DLGAP2: variants seen among roughly 807,000 people sequenced by gnomAD.
DLGAP2 encodes DLG associated protein 2.
DLGAP2 carries 26 observed loss-of-function variants against 100.3 expected under a neutral mutation model. The observed-to-expected ratio is 0.26, with a 90% CI of 0.19 to 0.36. The LOEUF is 0.36. Ranked by LOEUF, DLGAP2 falls within the 10% of genes least tolerant of loss-of-function variation. DLGAP2 has a pLI of 1.00. For synonymous variants in DLGAP2, 886 were observed against 630.1 expected (o/e 1.41, Z -6.08); for missense variants, 1,858 against 1,453.2 (o/e 1.28, Z -4.53).
chr8:1,637,641 A>G (rs894160642), intron 8 of DLGAP2, among the ~76,000 whole-genome samples: 6 of 152,226 alleles, frequency 3.9e-5, no homozygotes, highest in Admixed American at 3.9e-4. Flanking sequence ...TGCCAATTGA[A>G]GATTCTAAAG....
chr8:1,009,118 G>T (rs1247756362), intron 2 of DLGAP2, among the ~76,000 whole-genome samples: 1 of 152,186 alleles, frequency 6.6e-6, no homozygotes, highest in Non-Finnish European at 1.5e-5. Context: ...CCTCTTCCAT[G>T]TGGCCGAGGG....
intron 1 of DLGAP2, among the ~76,000 whole-genome samples, chr8:760,516 G>A (rs1284137889): frequency 2.6e-5 from 4 of 152,158 alleles, no homozygotes; most frequent in Admixed American, 2.6e-4. Context: ...GTTTGGTTGG[G>A]TATAGAATTC....
At chr8:1,104,150 G>C (rs572073044) in intron 2 of DLGAP2, among the ~76,000 whole-genome samples, 107 of 152,336 alleles carry the variant, frequency 7.0e-4, no homozygotes, top group Non-Finnish European at 1.2e-4. Flanking sequence ...GTTAGGGTGA[G>C]GGGTTGCTGG....
At chr8:1,392,428 A>T (rs932225101) in intron 3 of DLGAP2, among the ~76,000 whole-genome samples, 1 of 152,152 alleles carries the variant, frequency 6.6e-6, no homozygotes, top group Non-Finnish European at 1.5e-5. Flanking sequence ...CGTCGGCCTG[A>T]CTTGCTAATG....
At chr8:1,441,096 C>G (rs1797817130) in intron 3 of DLGAP2, among the ~76,000 whole-genome samples, 1 of 151,978 alleles carries the variant, frequency 6.6e-6, no homozygotes, top group African/African-American at 2.4e-5. Context: ...GAAACATAAT[C>G]CCAGAATAAA....
At chr8:1,022,033 G>A (rs1801638126) in intron 2 of DLGAP2, among the ~76,000 whole-genome samples, 1 of 152,196 alleles carries the variant, frequency 6.6e-6, no homozygotes, top group Admixed American at 6.5e-5. Context: ...TTGCAAAGGG[G>A]TGAGTTGTAC....
chr8:1,605,546 G>T (rs993552647), intron 6 of DLGAP2, among the ~76,000 whole-genome samples: 17 of 152,144 alleles, frequency 1.1e-4, no homozygotes, highest in African/African-American at 3.9e-4. Context: ...CTACATTCTT[G>T]TGGGCCTAAG....
intron 3 of DLGAP2, among the ~76,000 whole-genome samples, chr8:1,260,215 C>G (rs1799318207): frequency 1.3e-5 from 2 of 152,032 alleles, no homozygotes; most frequent in Non-Finnish European, 2.9e-5. Flanking sequence ...TGTTTGAAAG[C>G]TTTATTATTT....
chr8:1,431,848 C>T lies in DLGAP2; in HGVS notation c.107-69518C>T, dbSNP rs556979037. Among the ~76,000 whole-genome samples the T allele has an allele frequency of 6.6e-5, 10 of 152,288 alleles. No individual in the cohort carries two copies. The East Asian group carries it at 9.7e-4, about 15-fold the overall frequency. On this transcript the variant is annotated intron_variant, in intron 3 of 14. Coordinates refer to ENST00000637795, the MANE Select transcript of DLGAP2 (RefSeq NM_001346810.2). ...GCCTCCGTGTCGATGGCCACCAAGC[C>T]CTGAGAACCCTGCCGGCACCCAGCA...
chr8:1,133,391 A>T (rs1444916873), intron 2 of DLGAP2, among the ~76,000 whole-genome samples: 1 of 152,224 alleles, frequency 6.6e-6, no homozygotes, highest in African/African-American at 2.4e-5. Flanking sequence ...TCATAAAATT[A>T]TATTGATCAT....
At chr8:1,503,124 G>C (rs990992205) in intron 4 of DLGAP2, among the ~76,000 whole-genome samples, 1 of 152,216 alleles carries the variant, frequency 6.6e-6, no homozygotes, top group African/African-American at 2.4e-5. Context: ...CTTGGTGAAG[G>C]CTGGATTGTA....
intron 2 of DLGAP2, among the ~76,000 whole-genome samples, chr8:961,587 A>T (rs1363229355): frequency 6.6e-6 from 1 of 152,222 alleles, no homozygotes; most frequent in Non-Finnish European, 1.5e-5. Flanking sequence ...GGGACCTGTC[A>T]TTTCATTGAA....
chr8:1,171,201 T>A (rs901304089), intron 2 of DLGAP2, among the ~76,000 whole-genome samples: 30 of 152,190 alleles, frequency 2.0e-4, no homozygotes, highest in African/African-American at 5.3e-4. Context: ...TTTGAGTGAG[T>A]TTCTTAATCC....
chr8:897,521 C>A (rs116539462), intron 1 of DLGAP2, among the ~76,000 whole-genome samples: 6,938 of 152,294 alleles, frequency 0.046, 249 homozygotes, highest in African/African-American at 0.094. Context: ...TTACATGAGT[C>A]TGTTTTAATC....
intron 1 of DLGAP2, among the ~76,000 whole-genome samples, chr8:768,665 C>T (rs1350616823): frequency 6.6e-6 from 1 of 151,984 alleles, no homozygotes; most frequent in Non-Finnish European, 1.5e-5. Context: ...ACCTCATGAT[C>T]TGCCCGCCTC....
intron 3 of DLGAP2, among the ~76,000 whole-genome samples, chr8:1,277,279 A>T (rs767370784): frequency 1.3e-5 from 2 of 152,162 alleles, no homozygotes; most frequent in African/African-American, 4.8e-5. Context: ...ATCTGTGCCT[A>T]TGTAGCCCCC....
chr8:1,141,855 A>G (rs1796527603), intron 2 of DLGAP2, among the ~76,000 whole-genome samples: 1 of 152,180 alleles, frequency 6.6e-6, no homozygotes, highest in Non-Finnish European at 1.5e-5. Context: ...TAGATTTTAG[A>G]TGCTTTCTTT....
At chr8:1,089,109 C>T (rs1266483278) in intron 2 of DLGAP2, among the ~76,000 whole-genome samples, 11 of 146,612 alleles carry the variant, frequency 7.5e-5, no homozygotes, top group East Asian at 2.1e-4. Context: ...TCTTGCTCCC[C>T]GGCCTCACTC....
chr8:811,063 T>C (rs1796361229), intron 1 of DLGAP2, among the ~76,000 whole-genome samples: 1 of 152,240 alleles, frequency 6.6e-6, no homozygotes. Flanking sequence ...ACTTTCTTGG[T>C]CGTGACCCTG....
Sources: allele counts gnomAD v4.1 joint callset (sites outside exome capture counted in the v4.1 genomes callset), GRCh38; gene constraint gnomAD v4.1.1; transcripts MANE v1.5; gene names NCBI Gene and HGNC (gene_info 2026-07-23, HGNC 2026-07-21).